XIST: variants seen among roughly 807,000 people sequenced by gnomAD.
XIST encodes X inactive specific transcript (non-protein coding).
chrX:73,851,882 G>A (rs755722664), exon 1 of XIST: 13 of 556,102 alleles, frequency 2.3e-5, no homozygotes, highest in South Asian at 1.1e-4. Flanking sequence ...GTCATTCTCT[G>A]CCAAAGCGGT....
intron 5 of XIST, chrX:73,828,687 T>C (rs867326491): frequency 8.4e-6 from 1 of 118,983 alleles, no homozygotes; most frequent in Admixed American, 8.9e-5. Context: ...GTTTTCTTTT[T>C]ACACTAATCT....
At chrX:73,846,087 A>G in exon 1 of XIST, 1 of 558,018 alleles carries the variant, frequency 1.8e-6, no homozygotes. Flanking sequence ...TCCCTGCCGG[A>G]AGGGAAAGGA....
At chrX:73,825,323 T>C (rs1316274117) in exon 6 of XIST, 1 of 557,885 alleles carries the variant, frequency 1.8e-6, no homozygotes, top group African/African-American at 2.2e-5. Flanking sequence ...ATTCCTTGTG[T>C]CTGCATAGTA....
exon 1 of XIST, chrX:73,848,239 A>G (rs1304690162): frequency 3.6e-6 from 2 of 556,424 alleles, no homozygotes; most frequent in Middle Eastern, 3.1e-4. Flanking sequence ...CAAAAGGAAT[A>G]TGAGGGGATG....
chrX:73,847,624 A>G (rs1441581391), exon 1 of XIST: 2 of 516,263 alleles, frequency 3.9e-6, no homozygotes, highest in East Asian at 7.2e-5. Context: ...TAAAAGCTAG[A>G]TATTAGCTTG....
chrX:73,821,334 T>C, exon 6 of XIST: 1 of 554,601 alleles, frequency 1.8e-6, no homozygotes, highest in Non-Finnish European at 3.3e-6. Context: ...GCTTTGAATG[T>C]ATGAACTACA....
intron 1 of XIST, among the ~76,000 whole-genome samples, chrX:73,839,846 T>C (rs890880598): frequency 3.6e-5 from 4 of 110,049 alleles, no homozygotes; most frequent in African/African-American, 9.9e-5. Context: ...CAAGCCATCC[T>C]TCCTCTTGAC....
intron 1 of XIST, among the ~76,000 whole-genome samples, chrX:73,840,148 T>C (rs957009705): frequency 9.0e-6 from 1 of 111,649 alleles, no homozygotes; most frequent in African/African-American, 3.2e-5. Flanking sequence ...TCAAAACACA[T>C]TTTTTTAGGA....
At chrX:73,843,973 C>G (rs954255045) in exon 1 of XIST, 3 of 556,591 alleles carry the variant, frequency 5.4e-6, no homozygotes, top group African/African-American at 4.5e-5. Flanking sequence ...TGGAGGGAAA[C>G]AGTATACCCC....
At chrX:73,826,351 AG>A (rs1332999221) in exon 6 of XIST, 1 of 559,007 alleles carries the variant, frequency 1.8e-6, no homozygotes. Flanking sequence ...TCTGCTCCTG[AG>A]GGAAGTTAAC....
exon 6 of XIST, chrX:73,823,732 T>C (rs1268437201): frequency 3.6e-6 from 2 of 558,839 alleles, no homozygotes; most frequent in Non-Finnish European, 6.5e-6. Flanking sequence ...GACAGGACTT[T>C]ATCTCTCTAC....
chrX:73,839,946 A>G (rs1489807104), intron 1 of XIST, among the ~76,000 whole-genome samples: 1 of 110,900 alleles, frequency 9.0e-6, no homozygotes, highest in Non-Finnish European at 1.9e-5. Flanking sequence ...TGACAATTTA[A>G]TTACCAATAG....
chrX:73,852,362 G>C, exon 1 of XIST: 1 of 545,621 alleles, frequency 1.8e-6, no homozygotes, highest in Non-Finnish European at 3.3e-6. Flanking sequence ...AATAAAACCA[G>C]GTATCCGCAG....
At position 73,835,602 on chromosome X, in the gene XIST, GGTTT is replaced by G. The variant is rs1343782913; in HGVS notation, n.11406+1834_11406+1837del. Among the ~76,000 whole-genome samples the G allele has an allele frequency of 2.7e-5, 3 of 111,976 alleles. No homozygotes were observed. In the Admixed American group the frequency reaches 2.8e-4, roughly 11 times the overall value. On this transcript the variant is annotated intron_variant and non_coding_transcript_variant, in intron 2 of 5. Transcript: ENST00000429829. ...ATGTAGGCAAACAGATTTCATTCCAGGTTTGTTCATACACTTTAACTTAACAATT... is the reference window on the plus strand; with the variant it reads ...ATGTAGGCAAACAGATTTCATTCCAGGTTCATACACTTTAACTTAACAATT...
exon 1 of XIST, chrX:73,850,079 C>A (rs1420484956): frequency 5.4e-6 from 3 of 557,026 alleles, no homozygotes; most frequent in Non-Finnish European, 9.7e-6. Flanking sequence ...ATTAGTGCAG[C>A]ATCAAGGATG....
chrX:73,826,268 C>A (rs1196597643), exon 6 of XIST: 1 of 558,977 alleles, frequency 1.8e-6, no homozygotes. Flanking sequence ...ACAACCTGAC[C>A]ATTTTATCTT....
intron 5 of XIST, chrX:73,828,793 G>A (rs1317689636): frequency 9.8e-6 from 2 of 205,102 alleles, no homozygotes; most frequent in Admixed American, 1.4e-4. Flanking sequence ...AACGTTTAAG[G>A]CTCTAAGAAT....
Position 73,823,309 on chromosome X carries a change from C to CT in XIST, n.16591dup, listed in dbSNP as rs375977945. Reference sequence around the variant, plus strand: ...TTGAAAGAAACTTGCATTTTTCTTTCTTTTTTTTTTTTTTTTTAATCTCAA... The same window carrying CT: ...TTGAAAGAAACTTGCATTTTTCTTTCTTTTTTTTTTTTTTTTTTAATCTCAA... On this transcript the variant is annotated non_coding_transcript_exon_variant, in exon 6 of 6. Transcript: ENST00000429829. 1,785 of 434,387 alleles carry CT rather than the reference C, an allele frequency of 4.1e-3. 4 individuals carry two copies. Among genetic ancestry groups the CT allele is most frequent in the African/African-American group, 0.021 (748 of 34,809 alleles). 35.8% of individuals were successfully genotyped at this position (434,387 alleles called of 1,213,427 possible).
chrX:73,831,041 A>G lies in XIST; in HGVS notation n.11752+25T>C, dbSNP rs1031184024. 11 of 550,982 alleles carry G rather than the reference A, an allele frequency of 2.0e-5. No individual in the cohort carries two copies. The African/African-American group carries it at 2.2e-4, about 11-fold the overall frequency. 45.4% of individuals were successfully genotyped at this position (550,982 alleles called of 1,213,427 possible). A position where few individuals can be genotyped will look rare whatever the true frequency, so the allele number is the denominator to read the frequency against. On this transcript the variant is annotated intron_variant and non_coding_transcript_variant, in intron 4 of 5. Transcript: ENST00000429829. ...AAAATCAAAATTAAGACTACTTATT[A>G]TGCTTTTAGGGACAGCTTACGCACC...
Sources: gnomAD v4.1 joint callset for allele counts (sites outside exome capture counted in the v4.1 genomes callset) on GRCh38, gnomAD v4.1.1 for gene constraint, MANE v1.5 for transcripts, NCBI Gene and HGNC (gene_info 2026-07-23, HGNC 2026-07-21) for gene names.